The following SLC7A14 variants were observed in gnomAD, a reference collection of about 807,000 sequenced individuals.
SLC7A14 encodes solute carrier family 7 member 14.
In SLC7A14, 37 loss-of-function variants were observed where a neutral mutation model predicts 60.2. The ratio of observed to expected loss-of-function variants is 0.61; its 90% CI spans 0.47 to 0.81. The LOEUF (loss-of-function observed/expected upper bound fraction) is 0.81. Among genes scored for constraint, SLC7A14 ranks in the 30% least tolerant of loss-of-function variants. The probability of loss-of-function intolerance (pLI) is 0.00; values close to 1 mark genes in which losing one functional copy is unlikely to be tolerated. For synonymous variants in SLC7A14, 399 were observed against 395.8 expected, an observed-to-expected ratio of 1.01 and a Z score of -0.10; for missense variants, 886 against 982.7, an observed-to-expected ratio of 0.90 and a Z score of 1.32.
rs1739662803 is a variant in SLC7A14, at chr3:170,464,089, C to T, written c.*2966G>A. 2.0e-5 allele frequency: 3 copies of T among 152,128 alleles called. No individual in the cohort carries two copies. Among genetic ancestry groups the T allele is most frequent in the Non-Finnish European group, 4.4e-5 (3 of 68,014 alleles). 9.4% of individuals were successfully genotyped at this position (152,128 alleles called of 1,614,324 possible). ...AAATATACGTCTAGTTTTGTCTTATCCTTTCTGTTTCTATTTTTGTTTGCT... is the reference window on the plus strand; with the variant it reads ...AAATATACGTCTAGTTTTGTCTTATTCTTTCTGTTTCTATTTTTGTTTGCT... On this transcript the variant is annotated 3_prime_UTR_variant, in exon 8 of 8. Coordinates refer to ENST00000231706, the MANE Select transcript of SLC7A14 (RefSeq NM_020949.3).
chr3:170,467,411 GC>G (rs1436160068), intron 7 of SLC7A14, 34 bp from the exon 8 acceptor site: 1 of 1,332,404 alleles, frequency 7.5e-7, no homozygotes, highest in Admixed American at 2.6e-5. Flanking sequence ...AGGTGAATAA[GC>G]AATTGCTTTG....
At chr3:170,577,624 CAAAAAAAAAAAAAAA>C (rs56357954) in intron 1 of SLC7A14, among the ~76,000 whole-genome samples, 1 of 52,062 alleles carries the variant, frequency 1.9e-5, no homozygotes, top group African/African-American at 6.0e-5. Flanking sequence ...GACTCCGTCT[CAAAAAAAAAAAAAAA>C]AAAAAAAAAG....
intron 6 of SLC7A14, among the ~76,000 whole-genome samples, chr3:170,482,814 C>A (rs1711876411): frequency 6.6e-6 from 1 of 152,112 alleles, no homozygotes; most frequent in South Asian, 2.1e-4. Flanking sequence ...ATACACAGCA[C>A]CCAGGACACA....
At chr3:170,489,983 T>A (rs1049914229) in intron 4 of SLC7A14, among the ~76,000 whole-genome samples, 1 of 152,052 alleles carries the variant, frequency 6.6e-6, no homozygotes, top group Non-Finnish European at 1.5e-5. Flanking sequence ...GTGGGGATGG[T>A]TAATGGGTAC....
intron 1 of SLC7A14, among the ~76,000 whole-genome samples, chr3:170,540,300 A>G (rs1713980338): frequency 6.6e-6 from 1 of 152,232 alleles, no homozygotes; most frequent in African/African-American, 2.4e-5. Context: ...ATATTAAAAT[A>G]TTAAAATTTA....
chr3:170,489,019 T>C (rs1205787365), intron 4 of SLC7A14, among the ~76,000 whole-genome samples: 1 of 147,338 alleles, frequency 6.8e-6, no homozygotes, highest in Non-Finnish European at 1.5e-5. Context: ...TGGAAAGATG[T>C]TTGGAAAATC....
chr3:170,537,301 G>A (rs1207017802), intron 1 of SLC7A14, among the ~76,000 whole-genome samples: 2 of 152,082 alleles, frequency 1.3e-5, no homozygotes, highest in African/African-American at 4.8e-5. Flanking sequence ...CAGCAACATA[G>A]TATCTTCTCT....
At chr3:170,498,925 G>A in intron 3 of SLC7A14, 41 bp from the exon 4 acceptor site, 4 of 1,600,480 alleles carry the variant, frequency 2.5e-6, no homozygotes, top group Non-Finnish European at 3.4e-6. Flanking sequence ...CTGGAGGGAA[G>A]AAAGGGCCAT....
intron 1 of SLC7A14, among the ~76,000 whole-genome samples, chr3:170,537,904 A>G (rs572571928): frequency 6.6e-6 from 1 of 152,356 alleles, no homozygotes; most frequent in East Asian, 1.9e-4. Context: ...CCAGAGGAGA[A>G]TTAGGCATTT....
chr3:170,498,678 C>T lies in SLC7A14; in HGVS notation c.748G>A (p.Gly250Ser), dbSNP rs763399787. Residue 250 changes from glycine (G) to serine (S), a missense_variant, in exon 4 of 8, where the codon GGC becomes AGC. Physicochemically the swap from Gly to Ser is moderately conservative, Grantham distance 56 (BLOSUM62 0). Coordinates refer to ENST00000231706, the MANE Select transcript of SLC7A14 (RefSeq NM_020949.3). The part of the protein sequence containing the change: ...YWAEGQFLPH[G>S]WSGVLQGAAT... ...TGGAACAAACTTACCCCTGACCAGC[C>T]GTGGGGCAAGAACTGGCCCTCCGCC... is the stretch of plus-strand genomic sequence containing the variant. 3.7e-5 allele frequency: 60 copies of T among 1,614,004 alleles called. No individual in the cohort carries two copies. The highest frequency in any genetic ancestry group is 1.1e-4 in the East Asian group (5 of 44,888).
rs372032416 is a variant in SLC7A14 at position 170,476,235 on chromosome 3, G to A, written c.1993+4054C>T. On this transcript the variant is annotated intron_variant, in intron 7 of 7. Transcript: ENST00000231706. The stretch of plus-strand genomic sequence containing the variant: ...GAATGTTTCAGAAGCAACCCAGGGT[G>A]ATACTGATGTGTAGCTAGGGTTGAG... 5.4e-4 allele frequency among the ~76,000 whole-genome samples: 83 copies of A among 152,352 alleles called. 1 individual carries two copies. The South Asian group carries it at 9.7e-3, about 18-fold the overall frequency.
intron 7 of SLC7A14, among the ~76,000 whole-genome samples, chr3:170,479,140 AAAAC>A (rs750686492): frequency 4.5e-5 from 6 of 133,782 alleles, no homozygotes; most frequent in African/African-American, 7.7e-5. Context: ...CAAACAAAAC[AAAAC>A]AAACAAATAA....
intron 7 of SLC7A14, among the ~76,000 whole-genome samples, chr3:170,468,574 G>T (rs1739791295): frequency 6.6e-6 from 1 of 152,176 alleles, no homozygotes; most frequent in South Asian, 2.1e-4. Context: ...GGGATTACAG[G>T]CATGAGCCAT....
Position 170,498,717 on chromosome 3 carries a change from T to G in SLC7A14, c.709A>C (p.Asn237His). 6.2e-7 allele frequency: 1 copy of G among 1,614,162 alleles called. No individual in the cohort carries two copies. Among genetic ancestry groups the G allele is most frequent in the Non-Finnish European group, 8.5e-7 (1 of 1,180,036 alleles). ...TGGCCCTCCGCCCAGTATTTCCCAT[T>G]GATGAAGAAGAGGCCTGCGATCATG... ...FIMIAGLFFI[N>H]GKYWAEGQFL... The change falls in exon 4 of 8, where the codon AAT becomes CAT. Residue 237 changes from asparagine to histidine, a missense_variant. Physicochemically the swap from Asn to His is moderately conservative, Grantham distance 68. Coordinates refer to ENST00000231706, the MANE Select transcript of SLC7A14 (RefSeq NM_020949.3).
At chr3:170,544,681 C>T (rs1227406616) in intron 1 of SLC7A14, among the ~76,000 whole-genome samples, 1 of 152,214 alleles carries the variant, frequency 6.6e-6, no homozygotes, top group Non-Finnish European at 1.5e-5. Flanking sequence ...TGTATCATGT[C>T]TGCACCATAA....
At chr3:170,506,077 G>T (rs1323196261) in intron 2 of SLC7A14, among the ~76,000 whole-genome samples, 2 of 152,188 alleles carry the variant, frequency 1.3e-5, no homozygotes, top group African/African-American at 4.8e-5. Context: ...AGTACTTATT[G>T]ATATAGCTAG....
intron 1 of SLC7A14, among the ~76,000 whole-genome samples, chr3:170,539,188 C>G (rs1713939864): frequency 1.3e-5 from 2 of 152,144 alleles, no homozygotes; most frequent in African/African-American, 4.8e-5. Flanking sequence ...TTCAGCCACA[C>G]TGACTTCCTT....
intron 6 of SLC7A14, 22 bp downstream of exon 6, chr3:170,483,292 T>A (rs774871234): frequency 6.2e-7 from 1 of 1,613,494 alleles, no homozygotes; most frequent in Non-Finnish European, 8.5e-7. Context: ...GCAGGATAAA[T>A]TTCATGGAGC....
At chr3:170,539,150 C>T (rs572533285) in intron 1 of SLC7A14, among the ~76,000 whole-genome samples, 263 of 102,530 alleles carry the variant, frequency 2.6e-3, no homozygotes, top group Middle Eastern at 0.017. Context: ...ACTTCATCTC[C>T]GAGTTCATCT....
Sources: allele counts gnomAD v4.1 joint callset (sites outside exome capture counted in the v4.1 genomes callset), GRCh38; gene constraint gnomAD v4.1.1; transcripts MANE v1.5; gene names NCBI Gene and HGNC (gene_info 2026-07-23, HGNC 2026-07-21).